Variants in NEGR1 observed in about 807,000 individuals in gnomAD.
NEGR1 encodes the protein IgLON family member 4.
Under a neutral mutation model 40.9 loss-of-function variants are expected in NEGR1, and 10 were observed. The observed-to-expected ratio is 0.24, with a 90% CI of 0.15 to 0.42. The LOEUF (loss-of-function observed/expected upper bound fraction) is 0.42. Among genes scored for constraint, NEGR1 ranks in the 10% least tolerant of loss-of-function variants. The pLI is 1.00. For synonymous variants in NEGR1, 185 were observed against 166.8 expected (o/e 1.11, Z -0.84); for missense variants, 352 against 438.9 (o/e 0.80, Z 1.77).
chr1:71,462,963 A>G (rs1646723682), intron 6 of NEGR1, among the ~76,000 whole-genome samples: 1 of 152,138 alleles, frequency 6.6e-6, no homozygotes, highest in Non-Finnish European at 1.5e-5. Context: ...AGCTGTGGGT[A>G]TGCTGTAAGA....
intron 2 of NEGR1, among the ~76,000 whole-genome samples, chr1:71,882,467 C>T (rs1441744652): frequency 6.6e-6 from 1 of 151,954 alleles, no homozygotes; most frequent in Non-Finnish European, 1.5e-5. Context: ...ATTAGAAGAC[C>T]TTTCAAGAGA....
At position 72,058,329 on chromosome 1, in the gene NEGR1, A is replaced by G. The variant is rs1326543868; in HGVS notation, c.177-123018T>C. Among the ~76,000 whole-genome samples the G allele has an allele frequency of 2.0e-5, 3 of 151,604 alleles. No homozygotes were observed. The East Asian group carries it at 5.8e-4, about 29-fold the overall frequency. ...GAGTATCAAAAGAAAGACTGACTTAATAATCTCTAATATTAGAACTGAAAG... is the reference window on the plus strand; with the variant it reads ...GAGTATCAAAAGAAAGACTGACTTAGTAATCTCTAATATTAGAACTGAAAG... On this transcript the variant is annotated intron_variant, in intron 1 of 6. Coordinates refer to ENST00000357731, the MANE Select transcript of NEGR1 (RefSeq NM_173808.3).
At chr1:71,477,873 A>G (rs1158894718) in intron 6 of NEGR1, among the ~76,000 whole-genome samples, 2 of 150,420 alleles carry the variant, frequency 1.3e-5, no homozygotes, top group African/African-American at 2.4e-5. Flanking sequence ...TAGTCAGACA[A>G]CAATGCTTCA....
chr1:71,818,255 T>C (rs1658300934), intron 2 of NEGR1, among the ~76,000 whole-genome samples: 1 of 151,962 alleles, frequency 6.6e-6, no homozygotes, highest in African/African-American at 2.4e-5. Context: ...CACAGAACTA[T>C]TCACAATTGC....
chr1:71,816,471 G>C (rs143231576), intron 2 of NEGR1, among the ~76,000 whole-genome samples: 50 of 152,164 alleles, frequency 3.3e-4, no homozygotes, highest in African/African-American at 9.6e-4. Flanking sequence ...AGGAGCAAAG[G>C]CATGTCTTAG....
At chr1:71,595,908 T>C (rs185643210) in intron 5 of NEGR1, among the ~76,000 whole-genome samples, 1 of 152,212 alleles carries the variant, frequency 6.6e-6, no homozygotes, top group African/African-American at 2.4e-5. Flanking sequence ...CATGTTTTTC[T>C]TTACAAAATT....
chr1:71,569,652 G>T (rs560790528), intron 6 of NEGR1, among the ~76,000 whole-genome samples: 48 of 152,138 alleles, frequency 3.2e-4, no homozygotes, highest in Non-Finnish European at 6.9e-4. Flanking sequence ...CATGGTTCTT[G>T]CCCTCACTAA....
At chr1:71,546,621 C>T (rs357231) in intron 6 of NEGR1, among the ~76,000 whole-genome samples, 149,995 of 151,712 alleles carry the variant, frequency 0.99, 74,163 homozygotes, top group Non-Finnish European at 1. Flanking sequence ...AGTACTATTA[C>T]TATCATCATT....
intron 2 of NEGR1, among the ~76,000 whole-genome samples, chr1:71,785,144 A>T (rs1026712566): frequency 3.3e-5 from 5 of 152,200 alleles, no homozygotes; most frequent in Admixed American, 2.6e-4. Flanking sequence ...GATATAAAAC[A>T]CTGCTTAAAA....
chr1:71,548,972 G>A (rs570781935), intron 6 of NEGR1, among the ~76,000 whole-genome samples: 1 of 151,584 alleles, frequency 6.6e-6, no homozygotes, highest in South Asian at 2.1e-4. Flanking sequence ...TGTGTGGATA[G>A]AGGTTGATAG....
intron 3 of NEGR1, among the ~76,000 whole-genome samples, chr1:71,718,281 G>C (rs1433857726): frequency 6.6e-6 from 1 of 152,074 alleles, no homozygotes; most frequent in Non-Finnish European, 1.5e-5. Flanking sequence ...GTTCTCCTGA[G>C]AGCTGCTCAT....
chr1:72,182,745 G>C (rs1415531521), intron 1 of NEGR1, among the ~76,000 whole-genome samples: 1 of 149,868 alleles, frequency 6.7e-6, no homozygotes, highest in African/African-American at 2.5e-5. Flanking sequence ...TAATTGTATT[G>C]ACTGATATAT....
At chr1:71,600,126 T>C (rs1649865264) in intron 5 of NEGR1, among the ~76,000 whole-genome samples, 1 of 152,224 alleles carries the variant, frequency 6.6e-6, no homozygotes, top group African/African-American at 2.4e-5. Flanking sequence ...GTTTACAATG[T>C]CCTGCAATCT....
chr1:71,996,449 C>T (rs1368904738), intron 1 of NEGR1, among the ~76,000 whole-genome samples: 1 of 152,112 alleles, frequency 6.6e-6, no homozygotes, highest in Admixed American at 6.5e-5. Flanking sequence ...CCCCTGAGGA[C>T]CTAATCAGTT....
At chr1:71,997,679 G>A (rs933239794) in intron 1 of NEGR1, among the ~76,000 whole-genome samples, 4 of 151,648 alleles carry the variant, frequency 2.6e-5, no homozygotes, top group Admixed American at 6.6e-5. Flanking sequence ...AATATTTATT[G>A]GATGTTTTCT....
At chr1:72,121,168 T>A (rs186541238) in intron 1 of NEGR1, among the ~76,000 whole-genome samples, 1 of 152,150 alleles carries the variant, frequency 6.6e-6, no homozygotes, top group East Asian at 1.9e-4. Flanking sequence ...CAATGACATG[T>A]GCAAACAACC....
At chr1:72,026,122 A>G (rs1646806933) in intron 1 of NEGR1, among the ~76,000 whole-genome samples, 2 of 145,998 alleles carry the variant, frequency 1.4e-5, no homozygotes, top group African/African-American at 5.0e-5. Flanking sequence ...AAAAAAAAAA[A>G]AAAAAAAAAA....
intron 3 of NEGR1, among the ~76,000 whole-genome samples, chr1:71,707,942 C>T (rs1557622091): frequency 6.6e-6 from 1 of 152,166 alleles, no homozygotes; most frequent in Non-Finnish European, 1.5e-5. Flanking sequence ...CACAGCATTA[C>T]TGGGCTTGGG....
intron 1 of NEGR1, among the ~76,000 whole-genome samples, chr1:72,141,261 A>C (rs978352350): frequency 2.0e-5 from 3 of 152,008 alleles, no homozygotes; most frequent in African/African-American, 7.2e-5. Flanking sequence ...TCCTGTGGAG[A>C]TATAAGAACA....
Sources: allele counts gnomAD v4.1 joint callset (sites outside exome capture counted in the v4.1 genomes callset), GRCh38; gene constraint gnomAD v4.1.1; transcripts MANE v1.5; gene names NCBI Gene and HGNC (gene_info 2026-07-23, HGNC 2026-07-21).